Variants in DNER observed in about 807,000 individuals in gnomAD.
DNER encodes delta/notch like EGF repeat containing, also known as delta and Notch-like epidermal growth factor-related receptor.
Under a neutral mutation model 78.2 loss-of-function variants are expected in DNER, and 33 were observed. That is an observed-to-expected ratio of 0.42 (90% CI 0.32 to 0.56). The LOEUF is 0.56. Among genes scored for constraint, DNER ranks in the 20% least tolerant of loss-of-function variants. DNER has a pLI of 0.11. For missense variants in DNER, 918 were observed against 975.3 expected, an observed-to-expected ratio of 0.94 and a Z score of 0.78; for synonymous variants, 417 against 384.8, an observed-to-expected ratio of 1.08 and a Z score of -0.98.
At chr2:229,459,869 A>T (rs1489440810) in intron 7 of DNER, among the ~76,000 whole-genome samples, 1 of 151,854 alleles carries the variant, frequency 6.6e-6, no homozygotes, top group East Asian at 1.9e-4. Context: ...TCAAAACAAA[A>T]AAAAGAGGCC....
chr2:229,576,992 C>T (rs999039716), intron 4 of DNER, among the ~76,000 whole-genome samples: 3 of 152,120 alleles, frequency 2.0e-5, no homozygotes, highest in Non-Finnish European at 4.4e-5. Context: ...AGGGTCCAGA[C>T]CACGGAGAAG....
At chr2:229,641,232 G>C (rs1186795455) in intron 1 of DNER, among the ~76,000 whole-genome samples, 1 of 152,176 alleles carries the variant, frequency 6.6e-6, no homozygotes, top group African/African-American at 2.4e-5. Context: ...GAACTGGAGT[G>C]GGGGTGAGGT....
At chr2:229,601,676 G>A (rs1454335672) in intron 1 of DNER, among the ~76,000 whole-genome samples, 2 of 152,092 alleles carry the variant, frequency 1.3e-5, no homozygotes, top group Non-Finnish European at 2.9e-5. Context: ...GAATTGAAAC[G>A]TGGCTATAAA....
At chr2:229,504,967 C>T (rs1445803998) in intron 6 of DNER, among the ~76,000 whole-genome samples, 1 of 152,152 alleles carries the variant, frequency 6.6e-6, no homozygotes, top group Admixed American at 6.5e-5. Flanking sequence ...AGGCACTGCC[C>T]TAAGAACATT....
At chr2:229,597,682 A>G (rs1697747421) in intron 1 of DNER, among the ~76,000 whole-genome samples, 1 of 152,238 alleles carries the variant, frequency 6.6e-6, no homozygotes, top group Non-Finnish European at 1.5e-5. Context: ...TAAAGAGGAA[A>G]GAGAAAGCCC....
At chr2:229,593,182 T>G (rs1466591091) in intron 1 of DNER, among the ~76,000 whole-genome samples, 1 of 152,176 alleles carries the variant, frequency 6.6e-6, no homozygotes, top group Non-Finnish European at 1.5e-5. Context: ...ATCTATCAAC[T>G]CAAAGTAAAA....
chr2:229,547,697 T>C (rs548203278), intron 4 of DNER, among the ~76,000 whole-genome samples: 19 of 152,338 alleles, frequency 1.2e-4, no homozygotes, highest in African/African-American at 3.8e-4. Flanking sequence ...GACTCCACAG[T>C]ATCAAGTTAA....
intron 1 of DNER, among the ~76,000 whole-genome samples, chr2:229,639,920 C>A (rs974938435): frequency 6.6e-6 from 1 of 152,194 alleles, no homozygotes; most frequent in Non-Finnish European, 1.5e-5. Flanking sequence ...CAAGCTCTGG[C>A]TTTGTCCTCC....
At chr2:229,538,718 T>C (rs1696458954) in intron 5 of DNER, among the ~76,000 whole-genome samples, 1 of 152,118 alleles carries the variant, frequency 6.6e-6, no homozygotes, top group Admixed American at 6.5e-5. Flanking sequence ...TTTGTATTTT[T>C]AGTAGAGATG....
At chr2:229,633,058 G>T (rs1698456779) in intron 1 of DNER, among the ~76,000 whole-genome samples, 1 of 152,092 alleles carries the variant, frequency 6.6e-6, no homozygotes, top group Admixed American at 6.6e-5. Context: ...CCCTTCTTTA[G>T]GAAACCTATG....
rs1478110384 is a variant in DNER, at chr2:229,714,315, C to A, written c.109G>T (p.Val37Leu). 3 of 1,289,880 alleles carry A rather than the reference C, an allele frequency of 2.3e-6. No individual in the cohort carries two copies. The highest frequency in any genetic ancestry group is 2.5e-5 in the South Asian group (1 of 39,938). The allele number at this position is 1,289,880 out of a possible 1,614,324, so 79.9% of individuals were successfully genotyped here. A position where few individuals can be genotyped will look rare whatever the true frequency, so the allele number is the denominator to read the frequency against. ...GGCGCAGACAGGGGCGCGGCGGGCA[C>A]CGGGTTGGCCAGGGAGCTGCCTCGG... ...GPRGSSLANPVPAAPLSAPGP... is the reference protein window; with the variant it reads ...GPRGSSLANPLPAAPLSAPGP... The change falls in exon 1 of 13, where the codon GTG becomes TTG. Residue 37 changes from valine to leucine, a missense_variant. Coordinates refer to ENST00000341772, the MANE Select transcript of DNER (RefSeq NM_139072.4).
At chr2:229,530,583 G>A (rs184462398) in intron 5 of DNER, among the ~76,000 whole-genome samples, 103 of 152,372 alleles carry the variant, frequency 6.8e-4, no homozygotes, top group Non-Finnish European at 1.1e-3. Flanking sequence ...TGGCCCGAGA[G>A]GGCCTGTAGC....
intron 9 of DNER, among the ~76,000 whole-genome samples, chr2:229,412,734 A>G (rs1693549498): frequency 6.6e-6 from 1 of 152,172 alleles, no homozygotes. Context: ...GGCAGAGAGG[A>G]GAACCCCGTC....
At chr2:229,387,715 C>T (rs373116025) in intron 11 of DNER, among the ~76,000 whole-genome samples, 1 of 151,996 alleles carries the variant, frequency 6.6e-6, no homozygotes, top group Non-Finnish European at 1.5e-5. Flanking sequence ...ATTAGTTCAC[C>T]CTAAGAGATC....
chr2:229,593,730 GA>G (rs1697652551), intron 1 of DNER, among the ~76,000 whole-genome samples: 2 of 152,228 alleles, frequency 1.3e-5, no homozygotes, highest in Non-Finnish European at 2.9e-5. Context: ...AGGCCTTGTG[GA>G]ACGGGTGTCA....
At chr2:229,396,191 C>T (rs1040944840) in intron 10 of DNER, among the ~76,000 whole-genome samples, 2 of 152,192 alleles carry the variant, frequency 1.3e-5, no homozygotes, top group Admixed American at 1.3e-4. Flanking sequence ...TGATATATCC[C>T]TACCAAAATA....
intron 7 of DNER, among the ~76,000 whole-genome samples, chr2:229,453,910 T>C (rs187383526): frequency 2.6e-5 from 1 of 38,722 alleles, no homozygotes; most frequent in Non-Finnish European, 5.7e-5. Context: ...TGGTCAGGAA[T>C]AAAATATATT....
chr2:229,441,816 C>T (rs1694240769), intron 8 of DNER, among the ~76,000 whole-genome samples: 1 of 152,290 alleles, frequency 6.6e-6, no homozygotes, highest in Admixed American at 6.5e-5. Context: ...TTAAGTCCAG[C>T]AGAAGACATC....
intron 1 of DNER, among the ~76,000 whole-genome samples, chr2:229,643,999 C>G (rs1187419246): frequency 6.6e-6 from 1 of 152,134 alleles, no homozygotes; most frequent in Non-Finnish European, 1.5e-5. Context: ...CAAGCAGACA[C>G]TCAGCAAATG....
Sources: allele counts gnomAD v4.1 joint callset (sites outside exome capture counted in the v4.1 genomes callset), GRCh38; gene constraint gnomAD v4.1.1; transcripts MANE v1.5; gene names NCBI Gene and HGNC (gene_info 2026-07-23, HGNC 2026-07-21).